RSBN1L: variants seen among roughly 807,000 people sequenced by gnomAD.
The protein encoded by RSBN1L is lysine-specific demethylase RSBN1L.
Under a neutral mutation model 67.7 loss-of-function variants are expected in RSBN1L, and 30 were observed. The ratio of observed to expected loss-of-function variants is 0.44; its 90% CI spans 0.33 to 0.60. The LOEUF (loss-of-function observed/expected upper bound fraction) is 0.60. RSBN1L is among the 20% of genes least tolerant of loss of function. RSBN1L has a pLI of 0.02. For missense variants in RSBN1L, 992 were observed against 1,031.7 expected (o/e 0.96, Z 0.53); for synonymous variants, 433 against 387.0 (o/e 1.12, Z -1.39).
In RSBN1L at chr7:77,779,203, A is replaced by T. The variant is rs767199872; in HGVS notation, c.*35A>T. On this transcript the variant is annotated 3_prime_UTR_variant, in exon 8 of 8. Coordinates refer to ENST00000334955, the MANE Select transcript of RSBN1L (RefSeq NM_198467.3). ...TACCATCTAAAATCCTTTTTTAAAA[A>T]AATTTAATGTAATAAAGATTCATGA... is the stretch of plus-strand genomic sequence containing the variant. 1 of 1,420,468 alleles carries T rather than the reference A, an allele frequency of 7.0e-7. No homozygotes were observed. Among genetic ancestry groups the T allele is most frequent in the East Asian group, 2.3e-5 (1 of 43,220 alleles). 88.0% of individuals were successfully genotyped at this position (1,420,468 alleles called of 1,614,324 possible).
chr7:77,738,977 T>C (rs1474765534), intron 2 of RSBN1L, among the ~76,000 whole-genome samples: 1 of 152,080 alleles, frequency 6.6e-6, no homozygotes, highest in African/African-American at 2.4e-5. Flanking sequence ...AAAACCAAAC[T>C]ATCTCCTCTC....
chr7:77,718,322 G>A (rs1791074535), intron 1 of RSBN1L, among the ~76,000 whole-genome samples: 2 of 151,670 alleles, frequency 1.3e-5, no homozygotes, highest in Admixed American at 1.3e-4. Context: ...TATGTTTTTT[G>A]AGACTGAGTC....
chr7:77,749,566 A>T lies in RSBN1L; in HGVS notation c.846A>T (p.Gly282=), dbSNP rs749348942. Residue 282 remains glycine (G), a synonymous_variant, in exon 3 of 8, where the codon GGA becomes GGT. Transcript: ENST00000334955. ...AATCTATTCAGACCATCTGCTCAGG[A>T]TTGCTAACTGATGTTGAAGATCAAG... The part of the protein sequence containing the change: ...YSKSIQTICS[G]LLTDVEDQAA... 4 of 1,614,010 alleles carry T rather than the reference A, an allele frequency of 2.5e-6. No individual in the cohort carries two copies. The South Asian group carries it at 4.4e-5, about 18-fold the overall frequency.
chr7:77,727,660 C>T (rs993184058), intron 1 of RSBN1L, among the ~76,000 whole-genome samples: 1 of 151,200 alleles, frequency 6.6e-6, no homozygotes, highest in Non-Finnish European at 1.5e-5. Context: ...GAGACAAGGC[C>T]TCACTTTCTT....
At chr7:77,763,356 T>C (rs540771206) in intron 3 of RSBN1L, among the ~76,000 whole-genome samples, 2 of 152,282 alleles carry the variant, frequency 1.3e-5, no homozygotes, top group East Asian at 3.9e-4. Context: ...GATTTCACTT[T>C]CTAAATGGTT....
chr7:77,774,939 G>A (rs574285761), intron 6 of RSBN1L, among the ~76,000 whole-genome samples: 11 of 152,030 alleles, frequency 7.2e-5, no homozygotes, highest in South Asian at 2.1e-4. Flanking sequence ...ATGGCTCACA[G>A]CAGCCTTGAC....
chr7:77,769,742 TAA>T (rs1223432648), intron 5 of RSBN1L, among the ~76,000 whole-genome samples: 2 of 152,190 alleles, frequency 1.3e-5, no homozygotes, highest in Non-Finnish European at 2.9e-5. Context: ...CTCAGGTAGT[TAA>T]GTTTATTTTA....
At chr7:77,736,206 T>A (rs1186655765) in intron 1 of RSBN1L, among the ~76,000 whole-genome samples, 1 of 152,102 alleles carries the variant, frequency 6.6e-6, no homozygotes, top group East Asian at 1.9e-4. Context: ...AATGATACAT[T>A]TTGACAATAT....
intron 3 of RSBN1L, among the ~76,000 whole-genome samples, chr7:77,755,568 A>G (rs1323443569): frequency 1.3e-5 from 2 of 152,140 alleles, no homozygotes; most frequent in African/African-American, 4.8e-5. Context: ...CGGGAGGCTG[A>G]GGCAGGAAGA....
chr7:77,767,168 GTCC>G (rs1025200124), intron 4 of RSBN1L, among the ~76,000 whole-genome samples: 1 of 151,170 alleles, frequency 6.6e-6, no homozygotes, highest in African/African-American at 2.4e-5. Context: ...GGCTCAAGCA[GTCC>G]TCCTGCTTCA....
intron 5 of RSBN1L, among the ~76,000 whole-genome samples, chr7:77,772,935 A>G (rs1791866999): frequency 2.0e-5 from 3 of 152,146 alleles, no homozygotes; most frequent in African/African-American, 4.8e-5. Context: ...TTTTTTATCC[A>G]TGTGTTTCCT....
intron 1 of RSBN1L, among the ~76,000 whole-genome samples, chr7:77,733,256 G>A (rs1488385461): frequency 6.6e-6 from 1 of 152,222 alleles, no homozygotes; most frequent in Non-Finnish European, 1.5e-5. Context: ...AGACAGATGT[G>A]TGGGTTAAGG....
chr7:77,717,241 G>A (rs1487715983), intron 1 of RSBN1L, among the ~76,000 whole-genome samples: 2 of 152,090 alleles, frequency 1.3e-5, no homozygotes, highest in Non-Finnish European at 1.5e-5. Flanking sequence ...GTGCCTGGCC[G>A]TAGTCTTATA....
At chr7:77,724,432 CTTTTTTTTT>C (rs557313211) in intron 1 of RSBN1L, among the ~76,000 whole-genome samples, 2 of 136,438 alleles carry the variant, frequency 1.5e-5, no homozygotes, top group African/African-American at 5.3e-5. Context: ...TTTCTTTTTT[CTTTTTTTTT>C]TTTTTTGAGA....
Position 77,749,916 on chromosome 7 carries a change from A to G in RSBN1L, c.1196A>G (p.Tyr399Cys). 2 of 1,614,150 alleles carry G rather than the reference A, an allele frequency of 1.2e-6. No individual in the cohort carries two copies. Among genetic ancestry groups the G allele is most frequent in the South Asian group, 1.1e-5 (1 of 91,068 alleles). The change falls in exon 3 of 8, where the codon TAC becomes TGC. Residue 399 changes from tyrosine to cysteine, a missense_variant. Transcript: ENST00000334955. ...GAAAATGAAAACTCTGCAGCTTTCT[A>G]CGTGATGGGTATTGTTCATGGGGCA... ...FSENENSAAF[Y>C]VMGIVHGAAT...
chr7:77,715,687 T>A (rs1791039917), intron 1 of RSBN1L, among the ~76,000 whole-genome samples: 1 of 152,202 alleles, frequency 6.6e-6, no homozygotes, highest in Non-Finnish European at 1.5e-5. Flanking sequence ...CTGAACTGTT[T>A]TCCAAAGTGG....
At position 77,749,488 on chromosome 7, in the gene RSBN1L, G is replaced by C. The variant is rs749379888; in HGVS notation, c.768G>C (p.Lys256Asn). ...DLQIKKVKKK[K>N]KKKHKENEKR... ...AAATTAAAAAGGTAAAGAAGAAAAA[G>C]AAAAAGAAACACAAAGAGAATGAAA... The change falls in exon 3 of 8, where the codon AAG becomes AAC. Residue 256 changes from lysine to asparagine, a missense_variant. Transcript: ENST00000334955. The C allele has an allele frequency of 6.3e-7, 1 of 1,592,926 alleles. No homozygotes were observed. The highest frequency in any genetic ancestry group is 8.5e-7 in the Non-Finnish European group (1 of 1,174,430).
At chr7:77,755,889 G>C (rs552380557) in intron 3 of RSBN1L, among the ~76,000 whole-genome samples, 3 of 152,284 alleles carry the variant, frequency 2.0e-5, no homozygotes, top group Non-Finnish European at 2.9e-5. Flanking sequence ...ACCTGCTCTT[G>C]TTATGAGATG....
chr7:77,708,734 A>G (rs1253488177), intron 1 of RSBN1L, among the ~76,000 whole-genome samples: 1 of 152,194 alleles, frequency 6.6e-6, no homozygotes, highest in African/African-American at 2.4e-5. Flanking sequence ...TAGGAGGGTG[A>G]TAATATATTC....
Sources: allele counts gnomAD v4.1 joint callset (sites outside exome capture counted in the v4.1 genomes callset), GRCh38; gene constraint gnomAD v4.1.1; transcripts MANE v1.5; gene names NCBI Gene and HGNC (gene_info 2026-07-23, HGNC 2026-07-21).